The following ROBO1 variants were observed in gnomAD, a reference collection of about 807,000 sequenced individuals.
ROBO1 encodes roundabout homolog 1.
A neutral mutation model predicts 195.9 loss-of-function variants in ROBO1; 149 were observed. That is an observed-to-expected ratio of 0.76 (90% CI 0.67 to 0.87). The LOEUF is 0.87. Ranked by LOEUF, ROBO1 falls within the 40% of genes least tolerant of loss-of-function variation. The pLI is 0.00. For synonymous variants in ROBO1, 816 were observed against 733.2 expected, an observed-to-expected ratio of 1.11 and a Z score of -1.82; for missense variants, 1,933 against 2,068.3, an observed-to-expected ratio of 0.93 and a Z score of 1.27.
At chr3:79,079,743 C>T (rs182441812) in intron 3 of ROBO1, among the ~76,000 whole-genome samples, 1 of 151,662 alleles carries the variant, frequency 6.6e-6, no homozygotes, top group African/African-American at 2.4e-5. Flanking sequence ...TCAATGTATC[C>T]ACACCATAAG....
intron 2 of ROBO1, among the ~76,000 whole-genome samples, chr3:79,228,700 T>C (rs13074198): frequency 1.0e-3 from 158 of 152,296 alleles, no homozygotes; most frequent in Non-Finnish European, 2.0e-3. Context: ...GGTTTACTAA[T>C]ACATACAACT....
intron 2 of ROBO1, among the ~76,000 whole-genome samples, chr3:79,491,782 CTT>C (rs35967088): frequency 1.4e-3 from 200 of 142,666 alleles, no homozygotes; most frequent in Middle Eastern, 3.6e-3. Flanking sequence ...TTTAATCTGA[CTT>C]TTTTTTTTTT....
In ROBO1 at chr3:79,543,318, T is replaced by C. The variant is rs573389235; in HGVS notation, c.88+46506A>G. ...CTCGGTTTGGTCTTAGAAACTGACA[T>C]TTTTCTTGTTCTGCATAATCTATGG... On this transcript the variant is annotated intron_variant, in intron 2 of 30. Transcript: ENST00000464233. 4.6e-5 allele frequency among the ~76,000 whole-genome samples: 7 copies of C among 152,166 alleles called. No individual in the cohort carries two copies. The South Asian group carries it at 8.3e-4, about 18-fold the overall frequency.
At chr3:78,940,909 G>A (rs1197687453) in intron 3 of ROBO1, among the ~76,000 whole-genome samples, 1 of 152,134 alleles carries the variant, frequency 6.6e-6, no homozygotes, top group African/African-American at 2.4e-5. Flanking sequence ...TGACAAGAAA[G>A]ACCTAACTAA....
At chr3:78,748,211 C>A (rs1213287537) in intron 4 of ROBO1, among the ~76,000 whole-genome samples, 1 of 152,066 alleles carries the variant, frequency 6.6e-6, no homozygotes, top group African/African-American at 2.4e-5. Context: ...TTTGGGAGGC[C>A]AAGGAGGGCG....
intron 5 of ROBO1, among the ~76,000 whole-genome samples, chr3:78,722,567 A>G (rs1240803549): frequency 6.6e-6 from 1 of 152,176 alleles, no homozygotes; most frequent in Non-Finnish European, 1.5e-5. Context: ...CAGAGATATT[A>G]ATCATCAATG....
At chr3:78,862,538 ATT>A (rs1238416651) in intron 4 of ROBO1, among the ~76,000 whole-genome samples, 1 of 152,134 alleles carries the variant, frequency 6.6e-6, no homozygotes. Context: ...AAACTGCTAA[ATT>A]TGTGGCAATT....
intron 1 of ROBO1, among the ~76,000 whole-genome samples, chr3:79,734,158 G>A (rs112942203): frequency 0.048 from 7,336 of 152,094 alleles, 281 homozygotes; most frequent in Admixed American, 0.085. Context: ...ATGTTGGTCA[G>A]GCTGGTCTCA....
At chr3:79,502,120 A>T (rs2107503547) in intron 2 of ROBO1, among the ~76,000 whole-genome samples, 1 of 152,236 alleles carries the variant, frequency 6.6e-6, no homozygotes, top group East Asian at 1.9e-4. Context: ...CTCACTCGTT[A>T]TCCGCGCCTT....
chr3:78,842,381 TTTTATA>T (rs2033308251), intron 4 of ROBO1, among the ~76,000 whole-genome samples: 3 of 51,100 alleles, frequency 5.9e-5, no homozygotes, highest in African/African-American at 8.2e-5. Flanking sequence ...CCATATATAT[TTTTATA>T]TATATGAGCC....
chr3:79,172,615 A>AT (rs551986528), intron 2 of ROBO1, among the ~76,000 whole-genome samples: 9 of 150,632 alleles, frequency 6.0e-5, no homozygotes, highest in African/African-American at 1.5e-4. Context: ...TACAAACTAC[A>AT]TTTTTTTTCC....
chr3:79,636,055 A>C (rs1351879245), intron 1 of ROBO1, among the ~76,000 whole-genome samples: 2 of 152,152 alleles, frequency 1.3e-5, no homozygotes, highest in African/African-American at 4.8e-5. Context: ...TATGTGGTTG[A>C]AATCTTAACT....
intron 21 of ROBO1, among the ~76,000 whole-genome samples, chr3:78,644,215 C>T (rs3773213): frequency 0.021 from 3,231 of 152,086 alleles, 97 homozygotes; most frequent in African/African-American, 0.063. Context: ...TGTCCTCATC[C>T]TATTTTATTT....
At chr3:79,420,677 A>C (rs1194700341) in intron 2 of ROBO1, among the ~76,000 whole-genome samples, 1 of 152,164 alleles carries the variant, frequency 6.6e-6, no homozygotes, top group African/African-American at 2.4e-5. Flanking sequence ...CAGTGAAAGC[A>C]ATGCACCTGA....
intron 2 of ROBO1, among the ~76,000 whole-genome samples, chr3:79,480,858 A>T (rs1311179574): frequency 1.3e-5 from 2 of 152,088 alleles, no homozygotes; most frequent in Non-Finnish European, 2.9e-5. Flanking sequence ...CATCACTATT[A>T]CATATGATTT....
intron 1 of ROBO1, among the ~76,000 whole-genome samples, chr3:79,628,720 A>G (rs1295877820): frequency 6.6e-6 from 1 of 152,190 alleles, no homozygotes; most frequent in Non-Finnish European, 1.5e-5. Flanking sequence ...GGAATTAAAA[A>G]ACAGGATCCA....
chr3:78,826,463 C>T (rs182520189), intron 4 of ROBO1, among the ~76,000 whole-genome samples: 7 of 152,170 alleles, frequency 4.6e-5, no homozygotes, highest in Admixed American at 3.9e-4. Context: ...AGTTCAACTT[C>T]GGTGGAAAAA....
At chr3:79,752,471 G>T (rs1396384249) in intron 1 of ROBO1, among the ~76,000 whole-genome samples, 1 of 152,076 alleles carries the variant, frequency 6.6e-6, no homozygotes, top group Non-Finnish European at 1.5e-5. Flanking sequence ...GAACATAGTG[G>T]TGCCATGGGA....
At position 79,048,018 on chromosome 3, in the gene ROBO1, T is replaced by C. The variant is rs570636728; in HGVS notation, c.172+77438A>G. Among the ~76,000 whole-genome samples the C allele has an allele frequency of 3.9e-5, 6 of 152,260 alleles. No homozygotes were observed. In the South Asian group the frequency reaches 1.0e-3, roughly 26 times the overall value. On this transcript the variant is annotated intron_variant, in intron 3 of 30. Coordinates refer to ENST00000464233, the MANE Select transcript of ROBO1 (RefSeq NM_002941.4). ...GTCTTTGGTCTATCCTGTAGCTAAA[T>C]AGAAACAGCCTTATTTCTAAACATT...
Sources: gnomAD v4.1 joint callset for allele counts (sites outside exome capture counted in the v4.1 genomes callset) on GRCh38, gnomAD v4.1.1 for gene constraint, MANE v1.5 for transcripts, NCBI Gene and HGNC (gene_info 2026-07-23, HGNC 2026-07-21) for gene names.